The following NPAS3 variants were observed in gnomAD, a reference collection of about 807,000 sequenced individuals.
NPAS3 encodes the protein neuronal PAS domain-containing protein 3.
Under a neutral mutation model 73.1 loss-of-function variants are expected in NPAS3, and 14 were observed. That is an observed-to-expected ratio of 0.19 (90% CI 0.13 to 0.30). The LOEUF (loss-of-function observed/expected upper bound fraction) is 0.30. Among genes scored for constraint, NPAS3 ranks in the 10% least tolerant of loss-of-function variants. The pLI is 1.00. For synonymous variants in NPAS3, 620 were observed against 541.5 expected (o/e 1.14, Z -2.01); for missense variants, 1,096 against 1,250.0 (o/e 0.88, Z 1.86).
At chr14:33,544,815 TA>T (rs2054738543) in intron 4 of NPAS3, among the ~76,000 whole-genome samples, 1 of 105,578 alleles carries the variant, frequency 9.5e-6, no homozygotes, top group African/African-American at 5.1e-5. Flanking sequence ...TATATATGTA[TA>T]TATAATATAT....
At chr14:33,185,918 G>A (rs2045958786) in intron 2 of NPAS3, among the ~76,000 whole-genome samples, 1 of 152,258 alleles carries the variant, frequency 6.6e-6, no homozygotes, top group South Asian at 2.1e-4. Flanking sequence ...AAATTCTAGA[G>A]ACCTGAAGTG....
At chr14:32,997,388 G>A (rs951541138) in intron 1 of NPAS3, among the ~76,000 whole-genome samples, 13 of 152,158 alleles carry the variant, frequency 8.5e-5, no homozygotes, top group Admixed American at 3.9e-4. Flanking sequence ...GTTTTGAAAT[G>A]TGAAGATAGG....
intron 1 of NPAS3, among the ~76,000 whole-genome samples, chr14:33,035,133 T>C (rs1476453211): frequency 6.6e-6 from 1 of 152,208 alleles, no homozygotes; most frequent in Non-Finnish European, 1.5e-5. Flanking sequence ...ATTTTCTGAA[T>C]GTATTTAGTG....
At position 33,102,967 on chromosome 14, in the gene NPAS3, C is replaced by G. The variant is rs919193828; in HGVS notation, c.140+46973C>G. On this transcript the variant is annotated intron_variant, in intron 2 of 11. Transcript: ENST00000356141. Reference sequence around the variant, plus strand: ...AACTATTACCTTACAGTATAGCAGTCTGCAGGCATTTAGTAAGTGTCTGGT... The same window carrying G: ...AACTATTACCTTACAGTATAGCAGTGTGCAGGCATTTAGTAAGTGTCTGGT... Among the ~76,000 whole-genome samples, 14 of 152,164 alleles carry G rather than the reference C, an allele frequency of 9.2e-5. 1 individual carries two copies. Among genetic ancestry groups the G allele is most frequent in the South Asian group, 4.1e-4 (2 of 4,830 alleles).
chr14:33,776,367 A>G (rs2062815392), intron 8 of NPAS3, among the ~76,000 whole-genome samples: 1 of 151,842 alleles, frequency 6.6e-6, no homozygotes, highest in Non-Finnish European at 1.5e-5. Flanking sequence ...CAAACTTCCA[A>G]TGATTGTCCT....
intron 3 of NPAS3, among the ~76,000 whole-genome samples, chr14:33,235,254 GTC>G (rs1272134849): frequency 6.6e-6 from 1 of 151,768 alleles, no homozygotes; most frequent in Non-Finnish European, 1.5e-5. Flanking sequence ...CTCTTTTTTT[GTC>G]CTTTGTTTGG....
At chr14:33,318,496 C>T (rs1251999237) in intron 3 of NPAS3, among the ~76,000 whole-genome samples, 1 of 151,968 alleles carries the variant, frequency 6.6e-6, no homozygotes, top group Non-Finnish European at 1.5e-5. Context: ...TCATTTATAC[C>T]TATTTTACCA....
chr14:33,155,692 C>T (rs1327859678), intron 2 of NPAS3, among the ~76,000 whole-genome samples: 4 of 152,126 alleles, frequency 2.6e-5, no homozygotes, highest in Admixed American at 1.3e-4. Flanking sequence ...CAAAGTTCAC[C>T]GAGCTAATCC....
intron 3 of NPAS3, among the ~76,000 whole-genome samples, chr14:33,297,742 G>A (rs1022962172): frequency 6.6e-6 from 1 of 152,206 alleles, no homozygotes; most frequent in Non-Finnish European, 1.5e-5. Flanking sequence ...TGGGAGTGCT[G>A]ACATTTCCAA....
At chr14:33,419,826 G>C (rs2048300618) in intron 4 of NPAS3, among the ~76,000 whole-genome samples, 2 of 151,826 alleles carry the variant, frequency 1.3e-5, no homozygotes, top group African/African-American at 4.8e-5. Flanking sequence ...AGGCTGTGTG[G>C]GAAAGAACTC....
At chr14:33,493,509 G>A (rs979237937) in intron 4 of NPAS3, among the ~76,000 whole-genome samples, 2 of 152,082 alleles carry the variant, frequency 1.3e-5, no homozygotes, top group African/African-American at 2.4e-5. Flanking sequence ...TCCTGTGTGT[G>A]TTTGTGTACC....
At chr14:33,454,951 G>A (rs8016805) in intron 4 of NPAS3, among the ~76,000 whole-genome samples, 130,916 of 152,170 alleles carry the variant, frequency 0.86, 56,441 homozygotes, top group East Asian at 0.98. Context: ...GTGTTTACAT[G>A]GAGCTGGAGC....
At chr14:33,190,513 A>G (rs995221061) in intron 2 of NPAS3, among the ~76,000 whole-genome samples, 1 of 152,266 alleles carries the variant, frequency 6.6e-6, no homozygotes, top group African/African-American at 2.4e-5. Context: ...TGATTAATTT[A>G]GAAGTGAAAT....
chr14:33,298,684 C>T (rs2042404673), intron 3 of NPAS3, among the ~76,000 whole-genome samples: 1 of 152,022 alleles, frequency 6.6e-6, no homozygotes, highest in Non-Finnish European at 1.5e-5. Context: ...GTAATGTCAT[C>T]TTTATTTTAA....
chr14:32,970,322 C>A (rs535048179), intron 1 of NPAS3, among the ~76,000 whole-genome samples: 3 of 152,210 alleles, frequency 2.0e-5, no homozygotes, highest in Admixed American at 6.5e-5. Flanking sequence ...CCCTCAAATT[C>A]TGTAACTTGA....
chr14:33,514,099 C>G (rs994334020), intron 4 of NPAS3, among the ~76,000 whole-genome samples: 5 of 152,036 alleles, frequency 3.3e-5, no homozygotes, highest in African/African-American at 1.2e-4. Context: ...GACATGAGTT[C>G]ACTCACACAA....
chr14:33,068,305 G>T (rs937281412), intron 2 of NPAS3, among the ~76,000 whole-genome samples: 1 of 152,150 alleles, frequency 6.6e-6, no homozygotes, highest in Non-Finnish European at 1.5e-5. Context: ...ACATTTCTTA[G>T]CGCGAGTTCT....
intron 5 of NPAS3, among the ~76,000 whole-genome samples, chr14:33,616,810 C>A (rs1050384824): frequency 6.6e-6 from 1 of 152,188 alleles, no homozygotes; most frequent in Admixed American, 6.5e-5. Context: ...AGTGATCTGT[C>A]ATGTTTAGAG....
At chr14:33,427,612 G>A (rs563291577) in intron 4 of NPAS3, among the ~76,000 whole-genome samples, 49 of 151,932 alleles carry the variant, frequency 3.2e-4, no homozygotes, top group African/African-American at 1.1e-3. Flanking sequence ...TGTTCCTGTT[G>A]AACTTTGAAT....
Sources: allele counts gnomAD v4.1 joint callset (sites outside exome capture counted in the v4.1 genomes callset), GRCh38; gene constraint gnomAD v4.1.1; transcripts MANE v1.5; gene names NCBI Gene and HGNC (gene_info 2026-07-23, HGNC 2026-07-21).